RHEB: variants seen among roughly 807,000 people sequenced by gnomAD.
RHEB encodes the protein GTP-binding protein Rheb.
RHEB carries 2 observed loss-of-function variants against 28.8 expected under a neutral mutation model. The ratio of observed to expected loss-of-function variants is 0.07; its 90% confidence interval spans 0.03 to 0.22. The LOEUF is 0.22. Among genes scored for constraint, RHEB ranks in the 10% least tolerant of loss-of-function variants. The probability of loss-of-function intolerance (pLI) is 1.00; values close to 1 mark genes in which losing one functional copy is unlikely to be tolerated. For synonymous variants in RHEB, 69 were observed against 77.3 expected (o/e 0.89, Z 0.56); for missense variants, 76 against 219.9 (o/e 0.35, Z 4.14).
chr7:151,514,074 G>C (rs1025335896), intron 1 of RHEB, among the ~76,000 whole-genome samples: 1 of 152,160 alleles, frequency 6.6e-6, no homozygotes. Flanking sequence ...TGGAATGAGT[G>C]AGTTCTTCTA....
intron 1 of RHEB, among the ~76,000 whole-genome samples, chr7:151,500,502 C>T (rs1163465394): frequency 2.0e-5 from 3 of 152,078 alleles, no homozygotes; most frequent in African/African-American, 4.8e-5. Context: ...CAACAAAGAA[C>T]GGTCTTTTTC....
rs1366714705 is a variant in RHEB, at chr7:151,466,125, C to G, written c.*994G>C. ...AGGGAATCGTTTAAAAAGCACTGCT[C>G]AACTCCAAGTTTGACTTACAGACAA... On this transcript the variant is annotated 3_prime_UTR_variant, in exon 8 of 8. Coordinates refer to ENST00000262187, the MANE Select transcript of RHEB (RefSeq NM_005614.4). 1.3e-5 allele frequency: 2 copies of G among 152,204 alleles called. No homozygotes were observed. The highest frequency in any genetic ancestry group is 2.4e-5 in the African/African-American group (1 of 41,446). The allele number at this position is 152,204 out of a possible 1,614,324, so 9.4% of individuals were successfully genotyped here. A position where few individuals can be genotyped will look rare whatever the true frequency, so the allele number is the denominator to read the frequency against.
Position 151,467,199 on chromosome 7 carries a change from C to T in RHEB, c.475G>A (p.Val159Ile). Residue 159 changes from valine to isoleucine, a missense_variant, in exon 8 of 8, where the codon GTT (valine) becomes ATT (isoleucine). Physicochemically the swap from Val to Ile is conservative, Grantham distance 29 (BLOSUM62 3). Coordinates refer to ENST00000262187, the MANE Select transcript of RHEB (RefSeq NM_005614.4). ...GCCTCCAAAATTATCCTTCGAAAAA[C>T]ATCCACAGCAGTCTGAAAAGAGAAA... ...SAKENQTAVD[V>I]FRRIILEAEK... The T allele has an allele frequency of 1.9e-6, 3 of 1,612,192 alleles. No homozygotes were observed. The highest frequency in any genetic ancestry group is 1.3e-5 in the African/African-American group (1 of 74,980).
intron 1 of RHEB, chr7:151,502,766 C>A (rs1802795614): frequency 2.0e-6 from 3 of 1,492,696 alleles, no homozygotes; most frequent in Non-Finnish European, 1.9e-6. Context: ...AGCGACATAA[C>A]TATGTTCAGA....
chr7:151,495,956 A>C (rs1429947061), intron 1 of RHEB, among the ~76,000 whole-genome samples: 1 of 152,152 alleles, frequency 6.6e-6, no homozygotes, highest in African/African-American at 2.4e-5. Flanking sequence ...CCGACTCCCT[A>C]CAAGCCCAGC....
At chr7:151,491,443 A>G (rs1013320408) in intron 1 of RHEB, among the ~76,000 whole-genome samples, 2 of 152,230 alleles carry the variant, frequency 1.3e-5, no homozygotes, top group African/African-American at 4.8e-5. Flanking sequence ...AGCTTTTAAA[A>G]AGAGTAATCC....
At chr7:151,501,891 C>A in intron 1 of RHEB, 2 of 683,394 alleles carry the variant, frequency 2.9e-6, no homozygotes, top group Non-Finnish European at 5.4e-6. Context: ...GTGGACGACC[C>A]CAGTGCTGTG....
chr7:151,504,742 C>A (rs1802836444), intron 1 of RHEB, among the ~76,000 whole-genome samples: 1 of 151,940 alleles, frequency 6.6e-6, no homozygotes, highest in South Asian at 2.1e-4. Context: ...AGGATAAAAA[C>A]CACAAAGGGG....
At chr7:151,485,053 C>T (rs147348720) in intron 2 of RHEB, among the ~76,000 whole-genome samples, 6 of 152,268 alleles carry the variant, frequency 3.9e-5, no homozygotes, top group East Asian at 1.9e-4. Flanking sequence ...AGACAAAGTA[C>T]GCAACAATTC....
chr7:151,511,379 G>A (rs140947805), intron 1 of RHEB, among the ~76,000 whole-genome samples: 14 of 152,340 alleles, frequency 9.2e-5, no homozygotes, highest in Admixed American at 8.5e-4. Context: ...ATGCGGGAGA[G>A]AAAGACTCAA....
chr7:151,504,623 A>G (rs1361794864), intron 1 of RHEB, among the ~76,000 whole-genome samples: 1 of 152,206 alleles, frequency 6.6e-6, no homozygotes, highest in African/African-American at 2.4e-5. Context: ...AAATACTGGT[A>G]TATGTACACA....
chr7:151,482,718 T>C (rs1802400031), intron 3 of RHEB, among the ~76,000 whole-genome samples: 1 of 152,202 alleles, frequency 6.6e-6, no homozygotes, highest in African/African-American at 2.4e-5. Flanking sequence ...AGTTACACTG[T>C]TGTCCCAACA....
Position 151,468,904 on chromosome 7 carries a change from C to A in RHEB, c.462+1667G>T, listed in dbSNP as rs909744959. Among the ~76,000 whole-genome samples the A allele has an allele frequency of 2.3e-4, 35 of 152,200 alleles. No homozygotes were observed. The highest frequency in any genetic ancestry group is 8.2e-4 in the African/African-American group (34 of 41,460). On this transcript the variant is annotated intron_variant, in intron 7 of 7. Transcript: ENST00000262187. The surrounding 1 kb of genome is among the most constrained non-coding windows in gnomAD (Gnocchi z 4.3). ...CAATTCAGTCCTAGTTCTTATACCACGTAAGGTAGTGGGTGATCTTAGAAA... is the reference window on the plus strand; with the variant it reads ...CAATTCAGTCCTAGTTCTTATACCAAGTAAGGTAGTGGGTGATCTTAGAAA...
At chr7:151,519,204 T>G (rs1378316166) in intron 1 of RHEB, 2 of 170,088 alleles carry the variant, frequency 1.2e-5, no homozygotes, top group African/African-American at 4.8e-5. Context: ...GCCCCGCGCC[T>G]CCCACGCCCT....
At chr7:151,495,846 A>C (rs193018711) in intron 1 of RHEB, among the ~76,000 whole-genome samples, 3 of 152,304 alleles carry the variant, frequency 2.0e-5, no homozygotes, top group Non-Finnish European at 2.9e-5. Flanking sequence ...TCAGTTACTC[A>C]AGAAGCTGAT....
intron 1 of RHEB, among the ~76,000 whole-genome samples, chr7:151,508,900 G>C (rs1462034510): frequency 6.6e-6 from 1 of 152,024 alleles, no homozygotes; most frequent in Non-Finnish European, 1.5e-5. Flanking sequence ...TACTTCCATA[G>C]AAGTCTAAAA....
At chr7:151,479,924 G>C (rs188526083) in intron 3 of RHEB, among the ~76,000 whole-genome samples, 2 of 152,212 alleles carry the variant, frequency 1.3e-5, no homozygotes, top group African/African-American at 4.8e-5. Context: ...TAATTCATAG[G>C]GGGAAAAATA....
At chr7:151,481,928 T>C (rs967139350) in intron 3 of RHEB, among the ~76,000 whole-genome samples, 5 of 152,244 alleles carry the variant, frequency 3.3e-5, no homozygotes, top group African/African-American at 1.2e-4. Flanking sequence ...AATTGTTTGA[T>C]ACCTGAGTGT....
At chr7:151,507,542 C>T (rs1802907836) in intron 1 of RHEB, among the ~76,000 whole-genome samples, 1 of 152,058 alleles carries the variant, frequency 6.6e-6, no homozygotes, top group African/African-American at 2.4e-5. Flanking sequence ...TGTACAGAAC[C>T]TAAAAAGTGA....
Sources: gnomAD v4.1 joint callset for allele counts (sites outside exome capture counted in the v4.1 genomes callset) on GRCh38, gnomAD v4.1.1 for gene constraint, Gnocchi (gnomAD v3.1) non-coding constraint, MANE v1.5 for transcripts, NCBI Gene and HGNC (gene_info 2026-07-23, HGNC 2026-07-21) for gene names.